F8: variants seen among roughly 807,000 people sequenced by gnomAD.
F8 encodes antihemophilic factor.
F8 carries 12 observed loss-of-function variants against 140.6 expected under a neutral mutation model. That is an observed-to-expected ratio of 0.09 (90% CI 0.05 to 0.14). The LOEUF (loss-of-function observed/expected upper bound fraction) is 0.14. Among genes scored for constraint, F8 ranks in the 10% least tolerant of loss-of-function variants. The pLI, the probability that F8 is intolerant of heterozygous loss-of-function variation, is 1.00. For missense variants in F8, 1,354 were observed against 1,720.7 expected (o/e 0.79, Z 3.77); for synonymous variants, 585 against 614.6 (o/e 0.95, Z 0.71).
intron 13 of F8, among the ~76,000 whole-genome samples, chrX:154,941,985 C>T (rs1287793367): frequency 3.8e-5 from 4 of 104,511 alleles, no homozygotes; most frequent in African/African-American, 1.1e-4. Flanking sequence ...AAAGACACAA[C>T]ATACCAGAAT....
chrX:154,938,882 TAA>T (rs1299463421), intron 13 of F8, among the ~76,000 whole-genome samples: 1 of 86,268 alleles, frequency 1.2e-5, no homozygotes, highest in East Asian at 3.0e-4. Flanking sequence ...ATGAAAGGTG[TAA>T]ATATATATAT....
chrX:154,863,659 A>G (rs1557273027), intron 22 of F8, among the ~76,000 whole-genome samples: 2 of 110,847 alleles, frequency 1.8e-5, no homozygotes, highest in Non-Finnish European at 3.8e-5. Flanking sequence ...ATAATTTGAC[A>G]ATGATCTATG....
chrX:154,850,189 C>T (rs907555773), intron 25 of F8, among the ~76,000 whole-genome samples: 5 of 107,603 alleles, frequency 4.6e-5, no homozygotes, highest in African/African-American at 1.4e-4. Context: ...AATGTGATGG[C>T]GCGATCTGGG....
chrX:154,939,470 G>A lies in F8; in HGVS notation c.2114-7794C>T, dbSNP rs782697704. ...CAAGGTGGCAGCAAGGCTGGGGGAT[G>A]GGTGCCCGCCATTGCTCAGGCTTGA... On this transcript the variant is annotated intron_variant, in intron 13 of 25. Transcript: ENST00000360256. Among the ~76,000 whole-genome samples, 16 of 112,773 alleles carry A rather than the reference G, an allele frequency of 1.4e-4. No individual in the cohort carries two copies. The East Asian group carries it at 4.2e-3, about 30-fold the overall frequency.
chrX:154,919,323 T>C (rs1467911772), intron 14 of F8, among the ~76,000 whole-genome samples: 1 of 112,515 alleles, frequency 8.9e-6, no homozygotes, highest in Non-Finnish European at 1.9e-5. Context: ...GTCTCAAGTA[T>C]AACATTAGAA....
intron 1 of F8, among the ~76,000 whole-genome samples, chrX:155,009,993 AAGGGAAT>A (rs1429560136): frequency 9.0e-6 from 1 of 111,583 alleles, no homozygotes; most frequent in Non-Finnish European, 1.9e-5. Flanking sequence ...ACTCTATTCA[AAGGGAAT>A]AACTAGATGT....
intron 20 of F8, 52 bp downstream of exon 20, chrX:154,901,318 TA>T: frequency 2.5e-6 from 2 of 793,428 alleles, no homozygotes; most frequent in Non-Finnish European, 3.9e-6. Context: ...ACCAGATTAT[TA>T]AAAAAAGATA....
chrX:154,939,050 C>T (rs188837993), intron 13 of F8, among the ~76,000 whole-genome samples: 63 of 110,986 alleles, frequency 5.7e-4, no homozygotes, highest in African/African-American at 1.9e-3. Flanking sequence ...CCAAGATGGC[C>T]GAATAGGAAC....
At chrX:154,853,163 T>C (rs1341995328) in intron 25 of F8, among the ~76,000 whole-genome samples, 1 of 111,479 alleles carries the variant, frequency 9.0e-6, no homozygotes, top group Admixed American at 9.6e-5. Context: ...CTTCGTTAAA[T>C]TTATTCCTAA....
intron 11 of F8, 43 bp from the exon 12 acceptor site, chrX:154,954,085 A>T (rs782139758): frequency 1.0e-5 from 12 of 1,167,324 alleles, no homozygotes; most frequent in Non-Finnish European, 1.4e-5. Context: ...AATGCTACTG[A>T]TGTTGTCAGG....
At chrX:154,918,736 T>C (rs1359697578) in intron 14 of F8, 1 of 104,465 alleles carries the variant, frequency 9.6e-6, no homozygotes, top group South Asian at 4.4e-4. Flanking sequence ...TGGAGGAGAG[T>C]GAAGCCAGAT....
At chrX:154,911,074 A>G (rs1247144506) in intron 14 of F8, among the ~76,000 whole-genome samples, 3 of 108,249 alleles carry the variant, frequency 2.8e-5, no homozygotes, top group East Asian at 2.9e-4. Context: ...CTATTACCCT[A>G]TTGTTCTGCC....
chrX:154,836,420 A>C lies in F8; in HGVS notation c.*1177T>G, dbSNP rs1557270905. 9.0e-6 allele frequency: 1 copy of C among 110,926 alleles called. No individual in the cohort carries two copies. Among genetic ancestry groups the C allele is most frequent in the Non-Finnish European group, 1.9e-5 (1 of 52,963 alleles). The allele number at this position is 110,926 out of a possible 1,213,427, so 9.1% of individuals were successfully genotyped here. A position where few individuals can be genotyped will look rare whatever the true frequency, so the allele number is the denominator to read the frequency against. ...ATGGGGGTGGAGGGCAAGAAGGGGG[A>C]TCCTATTGTGTGGTGATATGGCAGA... On this transcript the variant is annotated 3_prime_UTR_variant, in exon 26 of 26. Coordinates refer to ENST00000360256, the MANE Select transcript of F8 (RefSeq NM_000132.4).
intron 25 of F8, among the ~76,000 whole-genome samples, chrX:154,844,441 T>C (rs1470552243): frequency 9.0e-6 from 1 of 111,709 alleles, no homozygotes; most frequent in African/African-American, 3.3e-5. Flanking sequence ...TGTTCTTCCA[T>C]TTGTTTGTAT....
At chrX:154,968,485 G>A (rs1447779827) in intron 7 of F8, among the ~76,000 whole-genome samples, 1 of 111,941 alleles carries the variant, frequency 8.9e-6, no homozygotes, top group Non-Finnish European at 1.9e-5. Context: ...CACGAGAGGG[G>A]TAGAGAAAGA....
chrX:154,849,148 AT>A (rs1159843336), intron 25 of F8, among the ~76,000 whole-genome samples: 5 of 106,936 alleles, frequency 4.7e-5, no homozygotes, highest in African/African-American at 1.0e-4. Flanking sequence ...TAATTTTTGT[AT>A]TTTTTTTTAG....
intron 13 of F8, among the ~76,000 whole-genome samples, chrX:154,941,961 A>C: frequency 9.6e-6 from 1 of 104,500 alleles, no homozygotes; most frequent in Non-Finnish European, 2.0e-5. Flanking sequence ...ATGTTCTTTG[A>C]AACCAATGAG....
At position 155,022,460 on chromosome X, in the gene F8, C is replaced by T; in HGVS notation, c.93G>A (p.Leu31=). The change falls in exon 1 of 26, where the codon CTG becomes CTA. Residue 31 remains leucine (L), a synonymous_variant. Transcript: ENST00000360256. ...TRRYYLGAVE[L]SWDYMQSDLG... is the part of the protein sequence containing the mutation. ...GATCACTTTGCATATAGTCCCATGA[C>T]AGTTCCACTGCACCCAGGTAGTATC... 8.3e-7 allele frequency: 1 copy of T among 1,211,109 alleles called. No homozygotes were observed. Among genetic ancestry groups the T allele is most frequent in the Non-Finnish European group, 1.1e-6 (1 of 895,371 alleles).
intron 4 of F8, among the ~76,000 whole-genome samples, chrX:154,989,202 C>T (rs1055039133): frequency 8.9e-5 from 10 of 111,737 alleles, no homozygotes; most frequent in East Asian, 2.8e-4. Flanking sequence ...ATTTAAAATA[C>T]GTATAAAGCT....
Sources: gnomAD v4.1 joint callset for allele counts (sites outside exome capture counted in the v4.1 genomes callset) on GRCh38, gnomAD v4.1.1 for gene constraint, MANE v1.5 for transcripts, NCBI Gene and HGNC (gene_info 2026-07-23, HGNC 2026-07-21) for gene names.